DOCK10: variants seen among roughly 807,000 people sequenced by gnomAD.
DOCK10 encodes the protein dedicator of cytokinesis protein 10.
Under a neutral mutation model 280.1 loss-of-function variants are expected in DOCK10, and 145 were observed. The ratio of observed to expected loss-of-function variants is 0.52; its 90% CI spans 0.45 to 0.59. DOCK10 has a LOEUF of 0.59. Among genes scored for constraint, DOCK10 ranks in the 20% least tolerant of loss-of-function variants. The pLI, the probability that DOCK10 is intolerant of heterozygous loss-of-function variation, is 0.00. For missense variants in DOCK10, 2,368 were observed against 2,651.7 expected (o/e 0.89, Z 2.35); for synonymous variants, 915 against 942.2 (o/e 0.97, Z 0.53).
chr2:224,800,744 T>C (rs1559436825), intron 40 of DOCK10, among the ~76,000 whole-genome samples: 1 of 152,198 alleles, frequency 6.6e-6, no homozygotes, highest in Non-Finnish European at 1.5e-5. Flanking sequence ...GTAAAATATT[T>C]GAAGAGATTT....
chr2:224,883,223 G>A (rs112386920), intron 7 of DOCK10, among the ~76,000 whole-genome samples: 367 of 152,152 alleles, frequency 2.4e-3, no homozygotes, highest in African/African-American at 8.4e-3. Context: ...CTCCATCATC[G>A]CTCTCGAGAT....
At chr2:224,986,510 G>T (rs1196905734) in intron 1 of DOCK10, among the ~76,000 whole-genome samples, 1 of 152,174 alleles carries the variant, frequency 6.6e-6, no homozygotes, top group Non-Finnish European at 1.5e-5. Context: ...TCTGTTTTGA[G>T]ATAGAGCTTC....
At chr2:224,794,589 C>T (rs1467929889) in intron 45 of DOCK10, among the ~76,000 whole-genome samples, 1 of 152,214 alleles carries the variant, frequency 6.6e-6, no homozygotes, top group Non-Finnish European at 1.5e-5. Context: ...CCCAGACACC[C>T]TTACCACACC....
chr2:224,908,748 T>C (rs949490360), intron 3 of DOCK10, among the ~76,000 whole-genome samples: 1 of 152,156 alleles, frequency 6.6e-6, no homozygotes, highest in African/African-American at 2.4e-5. Context: ...CCTCTTGCCT[T>C]GGCTTCCCAA....
At chr2:224,876,372 T>C (rs950353675) in intron 7 of DOCK10, among the ~76,000 whole-genome samples, 151 bp from the exon 8 acceptor site, 2 of 152,190 alleles carry the variant, frequency 1.3e-5, no homozygotes, top group African/African-American at 4.8e-5. Context: ...AAATTTTAGA[T>C]GGGTCTGATC....
intron 7 of DOCK10, among the ~76,000 whole-genome samples, chr2:224,879,964 A>T (rs1175210142): frequency 6.6e-6 from 1 of 152,172 alleles, no homozygotes; most frequent in East Asian, 1.9e-4. Flanking sequence ...GTTAAAAGGG[A>T]GATAAAAAGC....
At chr2:225,011,453 G>C (rs191026961) in intron 1 of DOCK10, among the ~76,000 whole-genome samples, 1 of 152,176 alleles carries the variant, frequency 6.6e-6, no homozygotes, top group African/African-American at 2.4e-5. Context: ...TTAACTCTTA[G>C]AGTGTTGAAT....
chr2:224,988,046 G>A (rs1706018173), intron 1 of DOCK10, among the ~76,000 whole-genome samples: 1 of 152,154 alleles, frequency 6.6e-6, no homozygotes, highest in African/African-American at 2.4e-5. Context: ...CCAACATAGA[G>A]CCTGGCCCAT....
At chr2:224,921,719 G>T (rs1214722400) in intron 2 of DOCK10, among the ~76,000 whole-genome samples, 1 of 152,144 alleles carries the variant, frequency 6.6e-6, no homozygotes, top group East Asian at 1.9e-4. Flanking sequence ...CAAGGTATAG[G>T]AAAGAGAATA....
intron 1 of DOCK10, among the ~76,000 whole-genome samples, chr2:224,978,602 G>T (rs1705571494): frequency 6.6e-6 from 1 of 152,146 alleles, no homozygotes; most frequent in Admixed American, 6.6e-5. Flanking sequence ...AAGTAAATAG[G>T]CAGAGATGTG....
At chr2:224,824,807 A>C (rs1194863598) in intron 27 of DOCK10, among the ~76,000 whole-genome samples, 2 of 151,972 alleles carry the variant, frequency 1.3e-5, no homozygotes, top group Non-Finnish European at 2.9e-5. Context: ...TTCACTATAG[A>C]TAGAATCATG....
At chr2:224,853,962 A>T (rs148099437) in intron 16 of DOCK10, among the ~76,000 whole-genome samples, 1 of 152,350 alleles carries the variant, frequency 6.6e-6, no homozygotes, top group African/African-American at 2.4e-5. Context: ...TCCAAAGAGA[A>T]TATTGAGTGC....
At chr2:224,952,825 C>CTCG (rs1054797797) in intron 1 of DOCK10, among the ~76,000 whole-genome samples, 1 of 152,100 alleles carries the variant, frequency 6.6e-6, no homozygotes, top group Non-Finnish European at 1.5e-5. Context: ...ATCTCCTGAC[C>CTCG]TCGTGATCTG....
chr2:224,777,930 T>G (rs1282956405), intron 51 of DOCK10, among the ~76,000 whole-genome samples: 1 of 152,224 alleles, frequency 6.6e-6, no homozygotes, highest in Non-Finnish European at 1.5e-5. Context: ...TACTAAGCTC[T>G]TTTTAAAAGT....
chr2:224,828,260 T>A (rs1694998542), intron 27 of DOCK10, among the ~76,000 whole-genome samples: 1 of 152,138 alleles, frequency 6.6e-6, no homozygotes, highest in Admixed American at 6.5e-5. Context: ...ACATTGAGGA[T>A]GTGGGCCAGA....
intron 50 of DOCK10, among the ~76,000 whole-genome samples, chr2:224,785,479 A>C (rs111928848): frequency 0.01 from 1,556 of 152,078 alleles, 22 homozygotes; most frequent in African/African-American, 0.035. Flanking sequence ...TATTAATTCA[A>C]AGGTTAGCTT....
intron 1 of DOCK10, among the ~76,000 whole-genome samples, chr2:224,952,899 T>C (rs1209979170): frequency 6.6e-6 from 1 of 152,242 alleles, no homozygotes; most frequent in African/African-American, 2.4e-5. Context: ...GCCTATGTTA[T>C]GTTTTAACAT....
chr2:224,817,236 A>T (rs1469917799), intron 29 of DOCK10, among the ~76,000 whole-genome samples: 1 of 152,194 alleles, frequency 6.6e-6, no homozygotes, highest in African/African-American at 2.4e-5. Context: ...CCTTGCAAAT[A>T]GGTCTGTCTT....
intron 55 of DOCK10, among the ~76,000 whole-genome samples, chr2:224,769,225 C>G (rs1391470809): frequency 6.6e-6 from 1 of 152,168 alleles, no homozygotes; most frequent in Non-Finnish European, 1.5e-5. Flanking sequence ...CTCGGTCAAC[C>G]ATTTCTTTCT....
Sources: allele counts gnomAD v4.1 joint callset (sites outside exome capture counted in the v4.1 genomes callset), GRCh38; gene constraint gnomAD v4.1.1; transcripts MANE v1.5; gene names NCBI Gene and HGNC (gene_info 2026-07-23, HGNC 2026-07-21).